NHS: variants seen among roughly 807,000 people sequenced by gnomAD.
NHS encodes actin remodeling regulator NHS.
NHS carries 5 observed loss-of-function variants against 72.5 expected under a neutral mutation model. That is an observed-to-expected ratio of 0.07 (90% CI 0.04 to 0.14). The LOEUF (loss-of-function observed/expected upper bound fraction) is 0.14, where lower values mean the gene tolerates loss of function less well. Ranked by LOEUF, NHS falls within the 10% of genes least tolerant of loss-of-function variation. The probability of loss-of-function intolerance (pLI) is 1.00; values close to 1 mark genes in which losing one functional copy is unlikely to be tolerated. For missense variants in NHS, 1,072 were observed against 1,355.7 expected, an observed-to-expected ratio of 0.79 and a Z score of 3.29; for synonymous variants, 464 against 547.7, an observed-to-expected ratio of 0.85 and a Z score of 2.13.
chrX:17,668,724 T>A (rs2227153), intron 1 of NHS, among the ~76,000 whole-genome samples: 6,522 of 110,911 alleles, frequency 0.059, 460 homozygotes, highest in African/African-American at 0.2. Flanking sequence ...ATCAGAGAGA[T>A]GAACCCAAGT....
chrX:17,680,059 C>T (rs1450731496), intron 1 of NHS, among the ~76,000 whole-genome samples: 1 of 112,374 alleles, frequency 8.9e-6, no homozygotes, highest in East Asian at 2.8e-4. Flanking sequence ...ACAAGGCAAA[C>T]CCTGGCTTCT....
At chrX:17,387,352 C>G (rs190420542) in intron 1 of NHS, among the ~76,000 whole-genome samples, 1 of 111,809 alleles carries the variant, frequency 8.9e-6, no homozygotes. Context: ...TTCCAGCAAT[C>G]AGAGGGGCCA....
At chrX:17,393,436 T>C (rs1453232977) in intron 1 of NHS, among the ~76,000 whole-genome samples, 1 of 112,511 alleles carries the variant, frequency 8.9e-6, no homozygotes, top group East Asian at 2.8e-4. Flanking sequence ...TGGAGCATAG[T>C]TGTGGGGCCT....
At chrX:17,424,544 C>T (rs889075573) in intron 1 of NHS, among the ~76,000 whole-genome samples, 5 of 111,745 alleles carry the variant, frequency 4.5e-5, no homozygotes, top group African/African-American at 9.8e-5. Context: ...GCTCTTGCCC[C>T]GGTGGCTTCT....
intron 1 of NHS, among the ~76,000 whole-genome samples, chrX:17,508,448 C>T (rs1283122767): frequency 1.8e-5 from 2 of 109,359 alleles, no homozygotes; most frequent in Non-Finnish European, 3.8e-5. Context: ...GGATATACCA[C>T]CTTTTGTTTA....
At position 17,726,567 on chromosome X, in the gene NHS, C is replaced by G. The variant is rs1285990449; in HGVS notation, c.2461C>G (p.Leu821Val). The G allele has an allele frequency of 2.5e-6, 3 of 1,212,169 alleles. No homozygotes were observed. Among genetic ancestry groups the G allele is most frequent in the Admixed American group, 2.2e-5 (1 of 46,094 alleles). Residue 821 changes from leucine to valine, a missense_variant, in exon 7 of 9, where the codon CTT (leucine) becomes GTT (valine). Coordinates refer to ENST00000676302, the MANE Select transcript of NHS (RefSeq NM_001291867.2). ...CCAGGGTGTAGGGGCTTCCCCTGGT[C>G]TTCCAGATTGTGCCTGGCAGGACTA... The part of the protein sequence containing the change: ...NGQGVGASPG[L>V]PDCAWQDYLD...
At chrX:17,568,488 G>A (rs1203143263) in intron 1 of NHS, among the ~76,000 whole-genome samples, 1 of 108,688 alleles carries the variant, frequency 9.2e-6, no homozygotes, top group Admixed American at 9.8e-5. Flanking sequence ...TTTCTCTTTA[G>A]CAGTATGTGC....
chrX:17,445,269 C>CAAGGA (rs1191595411), intron 1 of NHS, among the ~76,000 whole-genome samples: 1 of 111,579 alleles, frequency 9.0e-6, no homozygotes, highest in Non-Finnish European at 1.9e-5. Flanking sequence ...AGGTCCTTCC[C>CAAGGA]CCTAAGTACA....
chrX:17,615,227 C>CAT (rs199689852), intron 1 of NHS, among the ~76,000 whole-genome samples: 7 of 86,631 alleles, frequency 8.1e-5, no homozygotes, highest in Non-Finnish European at 1.5e-4. Flanking sequence ...TATATATACA[C>CAT]ATATATATAC....
chrX:17,537,790 A>G (rs2065235421), intron 1 of NHS, among the ~76,000 whole-genome samples: 1 of 111,953 alleles, frequency 8.9e-6, no homozygotes, highest in African/African-American at 3.2e-5. Context: ...CAGAGGGTTT[A>G]TTCAGATTTG....
intron 1 of NHS, among the ~76,000 whole-genome samples, chrX:17,566,048 G>A (rs1431519615): frequency 9.3e-6 from 1 of 107,711 alleles, no homozygotes; most frequent in Non-Finnish European, 1.9e-5. Flanking sequence ...GTGTGATCAC[G>A]GCTCACTGCA....
At chrX:17,381,688 T>C (rs979691507) in intron 1 of NHS, among the ~76,000 whole-genome samples, 3 of 112,815 alleles carry the variant, frequency 2.7e-5, no homozygotes, top group African/African-American at 9.7e-5. Context: ...TCTTGATCCA[T>C]TCTCCTGATG....
chrX:17,426,220 G>A (rs1046365746), intron 1 of NHS, among the ~76,000 whole-genome samples: 1 of 111,733 alleles, frequency 8.9e-6, no homozygotes, highest in Non-Finnish European at 1.9e-5. Context: ...GGCAAATATG[G>A]CAAATAAGGG....
chrX:17,654,850 A>G (rs1006185532), intron 1 of NHS, among the ~76,000 whole-genome samples: 3 of 112,686 alleles, frequency 2.7e-5, no homozygotes, highest in African/African-American at 9.7e-5. Context: ...GTGGCCCTAA[A>G]TGGCTCTCTG....
At chrX:17,490,522 C>T (rs982564159) in intron 1 of NHS, among the ~76,000 whole-genome samples, 4 of 104,730 alleles carry the variant, frequency 3.8e-5, no homozygotes, top group Non-Finnish European at 5.9e-5. Flanking sequence ...GTTTTGATTA[C>T]CGTAGCCTTG....
intron 1 of NHS, among the ~76,000 whole-genome samples, chrX:17,530,175 A>C (rs968322971): frequency 2.6e-4 from 29 of 111,393 alleles, no homozygotes; most frequent in Middle Eastern, 4.6e-3. Flanking sequence ...AGTGACTTTC[A>C]GTGAACGTGT....
At chrX:17,495,189 T>G (rs1334732159) in intron 1 of NHS, among the ~76,000 whole-genome samples, 1 of 111,871 alleles carries the variant, frequency 8.9e-6, no homozygotes, top group Non-Finnish European at 1.9e-5. Flanking sequence ...TGATACTCTG[T>G]GTTTACCCGG....
At chrX:17,538,767 T>A (rs940829779) in intron 1 of NHS, among the ~76,000 whole-genome samples, 1 of 112,295 alleles carries the variant, frequency 8.9e-6, no homozygotes, top group African/African-American at 3.2e-5. Flanking sequence ...AGCATTTCTC[T>A]GGGTGCCCAA....
intron 1 of NHS, among the ~76,000 whole-genome samples, chrX:17,665,823 C>A (rs895073465): frequency 8.9e-6 from 1 of 112,219 alleles, no homozygotes; most frequent in African/African-American, 3.2e-5. Context: ...TTAAGAATTC[C>A]ATTTCTTTAG....
Sources: gnomAD v4.1 joint callset for allele counts (sites outside exome capture counted in the v4.1 genomes callset) on GRCh38, gnomAD v4.1.1 for gene constraint, MANE v1.5 for transcripts, NCBI Gene and HGNC (gene_info 2026-07-23, HGNC 2026-07-21) for gene names.